SPATA13: variants seen among roughly 807,000 people sequenced by gnomAD.
The protein encoded by SPATA13 is spermatogenesis-associated protein 13.
A neutral mutation model predicts 104.0 loss-of-function variants in SPATA13; 50 were observed. That is an observed-to-expected ratio of 0.48 (90% confidence interval 0.38 to 0.61). The LOEUF is 0.61. Ranked by LOEUF, SPATA13 falls within the 20% of genes least tolerant of loss-of-function variation. SPATA13 has a pLI of 0.00. For missense variants in SPATA13, 1,524 were observed against 1,690.6 expected (o/e 0.90, Z 1.73); for synonymous variants, 606 against 667.5 (o/e 0.91, Z 1.42).
intron 3 of SPATA13, among the ~76,000 whole-genome samples, chr13:24,155,027 T>G (rs1882218214): frequency 6.6e-6 from 1 of 151,980 alleles, no homozygotes; most frequent in South Asian, 2.1e-4. Context: ...CCAGCTGGTT[T>G]TTGTGTTTTT....
intron 3 of SPATA13, among the ~76,000 whole-genome samples, chr13:24,129,920 C>A (rs1270406843): frequency 6.6e-6 from 1 of 152,182 alleles, no homozygotes; most frequent in African/African-American, 2.4e-5. Flanking sequence ...ACCCTGGGGT[C>A]CCAGCCTTTG....
chr13:24,143,990 G>A (rs530422079), intron 3 of SPATA13, among the ~76,000 whole-genome samples: 12 of 152,304 alleles, frequency 7.9e-5, no homozygotes, highest in African/African-American at 2.4e-4. Flanking sequence ...GAGAAAGGCC[G>A]CCCAGGGTTG....
chr13:24,072,318 T>C (rs754587341), intron 3 of SPATA13, among the ~76,000 whole-genome samples: 7 of 152,202 alleles, frequency 4.6e-5, no homozygotes, highest in Non-Finnish European at 8.8e-5. Context: ...GTCTTTAAAA[T>C]CTTTCTACCT....
At chr13:24,010,793 G>T (rs1413739735) in intron 2 of SPATA13, among the ~76,000 whole-genome samples, 1 of 152,078 alleles carries the variant, frequency 6.6e-6, no homozygotes, top group Admixed American at 6.5e-5. Flanking sequence ...CAGGGCCAGT[G>T]CCTTGTTGGT....
chr13:23,997,699 G>A (rs528555409), intron 2 of SPATA13, among the ~76,000 whole-genome samples: 1 of 152,254 alleles, frequency 6.6e-6, no homozygotes, highest in Non-Finnish European at 1.5e-5. Flanking sequence ...GGAAGGTGAA[G>A]GGGGAGCAGG....
intron 2 of SPATA13, among the ~76,000 whole-genome samples, chr13:24,245,419 T>C (rs1164388506): frequency 6.6e-6 from 1 of 152,206 alleles, no homozygotes; most frequent in Non-Finnish European, 1.5e-5. Flanking sequence ...TATCCTTCTC[T>C]TTGTACTTTT....
intron 3 of SPATA13, among the ~76,000 whole-genome samples, chr13:24,077,027 C>T (rs111625554): frequency 0.014 from 2,145 of 152,026 alleles, 51 homozygotes; most frequent in African/African-American, 0.046. Context: ...GGTTTCTTAA[C>T]GAGCCAGTTT....
At chr13:24,098,594 T>TA (rs34901396) in intron 3 of SPATA13, among the ~76,000 whole-genome samples, 11,031 of 88,138 alleles carry the variant, frequency 0.13, 600 homozygotes, top group African/African-American at 0.17. Context: ...GAGACTGTCT[T>TA]AAAAAAAAAA....
intron 9 of SPATA13, among the ~76,000 whole-genome samples, chr13:24,292,785 G>A (rs1876483933): frequency 6.6e-6 from 1 of 152,058 alleles, no homozygotes; most frequent in Non-Finnish European, 1.5e-5. Context: ...ATCACATGAG[G>A]TCAGGAGTTT....
intron 4 of SPATA13, among the ~76,000 whole-genome samples, chr13:24,271,913 G>A (rs913631295): frequency 6.6e-6 from 1 of 151,988 alleles, no homozygotes; most frequent in African/African-American, 2.4e-5. Flanking sequence ...TGTGTCTGGT[G>A]GATTATCAAA....
chr13:24,164,300 C>T (rs1175527048), intron 1 of SPATA13, among the ~76,000 whole-genome samples: 1 of 152,252 alleles, frequency 6.6e-6, no homozygotes, highest in Non-Finnish European at 1.5e-5. Flanking sequence ...ACATCCTTCT[C>T]TGGACTCCCA....
intron 4 of SPATA13, among the ~76,000 whole-genome samples, chr13:24,263,174 T>G (rs1460285694): frequency 6.6e-6 from 1 of 152,246 alleles, no homozygotes; most frequent in African/African-American, 2.4e-5. Context: ...TTCTCTTGTT[T>G]TTTGAATTAT....
chr13:24,116,780 C>CTG (rs1491337824), intron 3 of SPATA13, among the ~76,000 whole-genome samples: 1 of 150,700 alleles, frequency 6.6e-6, no homozygotes, highest in African/African-American at 2.5e-5. Context: ...CCCCCCCCCC[C>CTG]CAATGTGCTG....
chr13:24,018,466 T>C (rs1186832939), intron 3 of SPATA13, among the ~76,000 whole-genome samples: 1 of 152,254 alleles, frequency 6.6e-6, no homozygotes, highest in Non-Finnish European at 1.5e-5. Flanking sequence ...AAATTCCTTT[T>C]TCTCCAATTA....
chr13:24,162,940 C>T (rs1882566829), intron 1 of SPATA13, among the ~76,000 whole-genome samples: 1 of 152,192 alleles, frequency 6.6e-6, no homozygotes, highest in Admixed American at 6.5e-5. Context: ...GCAATGTACA[C>T]CAGTGGAGGA....
intron 3 of SPATA13, among the ~76,000 whole-genome samples, chr13:24,073,729 A>C (rs533279042): frequency 6.6e-6 from 1 of 152,244 alleles, no homozygotes; most frequent in East Asian, 1.9e-4. Flanking sequence ...AAGCCATCTA[A>C]TATCTTTTAA....
chr13:24,166,424 G>T (rs183642678), intron 1 of SPATA13, among the ~76,000 whole-genome samples: 2 of 152,282 alleles, frequency 1.3e-5, no homozygotes, highest in Admixed American at 6.5e-5. Context: ...ATTAGGGAAG[G>T]AGCTGACAAA....
chr13:24,180,771 G>T lies in SPATA13; in HGVS notation c.-112+19839G>T, dbSNP rs573968268. Among the ~76,000 whole-genome samples the T allele has an allele frequency of 9.1e-4, 138 of 151,826 alleles. 1 individual carries two copies. The highest frequency in any genetic ancestry group is 3.2e-3 in the African/African-American group (134 of 41,408). ...GGGATAGTTTTCATAATTTTTTTTT[G>T]ATTATTGATTGCAAGTCTATAGACA... On this transcript the variant is annotated intron_variant, in intron 1 of 12. Transcript: ENST00000382108.
chr13:24,025,304 C>G (rs1043158699), intron 3 of SPATA13, among the ~76,000 whole-genome samples: 1 of 151,968 alleles, frequency 6.6e-6, no homozygotes, highest in African/African-American at 2.4e-5. Context: ...TTCATTTTCA[C>G]TGCTCTGAAG....
Sources: allele counts gnomAD v4.1 joint callset (sites outside exome capture counted in the v4.1 genomes callset), GRCh38; gene constraint gnomAD v4.1.1; transcripts MANE v1.5; gene names NCBI Gene and HGNC (gene_info 2026-07-23, HGNC 2026-07-21).